RNF220: variants seen among roughly 807,000 people sequenced by gnomAD.
RNF220 encodes the protein ring finger protein 220.
In RNF220, 7 loss-of-function variants were observed where a neutral mutation model predicts 67.1. That is an observed-to-expected ratio of 0.10 (90% CI 0.06 to 0.20). The LOEUF is 0.20. Among genes scored for constraint, RNF220 ranks in the 10% least tolerant of loss-of-function variants. The probability of loss-of-function intolerance (pLI) is 1.00; values close to 1 mark genes in which losing one functional copy is unlikely to be tolerated. For missense variants in RNF220, 565 were observed against 740.3 expected (o/e 0.76, Z 2.75); for synonymous variants, 270 against 283.2 (o/e 0.95, Z 0.47).
At chr1:44,505,382 C>T (rs537557953) in intron 2 of RNF220, among the ~76,000 whole-genome samples, 3 of 152,232 alleles carry the variant, frequency 2.0e-5, no homozygotes, top group Admixed American at 1.3e-4. Flanking sequence ...GGCCAGCTGG[C>T]CTCTCCGCCT....
intron 2 of RNF220, among the ~76,000 whole-genome samples, chr1:44,576,436 T>G (rs914417652): frequency 6.6e-6 from 1 of 152,198 alleles, no homozygotes; most frequent in Non-Finnish European, 1.5e-5. Context: ...GATCTTACAC[T>G]GTTTTCATTC....
intron 2 of RNF220, among the ~76,000 whole-genome samples, chr1:44,544,668 C>G (rs1014819765): frequency 3.9e-5 from 6 of 152,234 alleles, no homozygotes; most frequent in Non-Finnish European, 8.8e-5. Flanking sequence ...CTTTCAATCT[C>G]CAAAGGCTGG....
chr1:44,522,480 T>C (rs565103006), intron 2 of RNF220, among the ~76,000 whole-genome samples: 2 of 152,240 alleles, frequency 1.3e-5, no homozygotes, highest in East Asian at 1.9e-4. Context: ...TTGAAGGGGG[T>C]AAAAGTCGAA....
intron 2 of RNF220, among the ~76,000 whole-genome samples, chr1:44,595,867 C>T (rs1666444945): frequency 6.6e-6 from 1 of 151,996 alleles, no homozygotes; most frequent in Admixed American, 6.6e-5. Flanking sequence ...GGGTTCACGC[C>T]ATCCTCCCAC....
At chr1:44,559,214 C>G (rs1279440379) in intron 2 of RNF220, among the ~76,000 whole-genome samples, 1 of 152,212 alleles carries the variant, frequency 6.6e-6, no homozygotes, top group Non-Finnish European at 1.5e-5. Flanking sequence ...CTCCAACATC[C>G]CCCAGCCCCA....
At chr1:44,434,156 T>C (rs1650702378) in intron 2 of RNF220, among the ~76,000 whole-genome samples, 1 of 151,982 alleles carries the variant, frequency 6.6e-6, no homozygotes, top group Non-Finnish European at 1.5e-5. Context: ...GATGTTTGAA[T>C]TGAAATATGA....
At chr1:44,474,572 G>A (rs1655124212) in intron 2 of RNF220, among the ~76,000 whole-genome samples, 1 of 150,296 alleles carries the variant, frequency 6.7e-6, no homozygotes, top group Non-Finnish European at 1.5e-5. Flanking sequence ...AGCTGTGTGT[G>A]GTGGCATGCA....
At chr1:44,453,027 C>T (rs895358816) in intron 2 of RNF220, among the ~76,000 whole-genome samples, 7 of 152,108 alleles carry the variant, frequency 4.6e-5, no homozygotes, top group Admixed American at 4.6e-4. Flanking sequence ...ACAATTTCTT[C>T]ATATAAATCT....
intron 2 of RNF220, among the ~76,000 whole-genome samples, chr1:44,557,975 G>A (rs1663254250): frequency 6.6e-6 from 1 of 152,212 alleles, no homozygotes; most frequent in Non-Finnish European, 1.5e-5. Flanking sequence ...AGCCCTGCGG[G>A]TAGGACTGTT....
chr1:44,449,813 G>T (rs1652484755), intron 2 of RNF220, among the ~76,000 whole-genome samples: 1 of 152,218 alleles, frequency 6.6e-6, no homozygotes, highest in Non-Finnish European at 1.5e-5. Flanking sequence ...TGAAGTCACA[G>T]AGATGAATAC....
In RNF220 at chr1:44,586,808, C is replaced by T. The variant is rs112818144; in HGVS notation, c.626-27357C>T. 2.7e-3 allele frequency among the ~76,000 whole-genome samples: 409 copies of T among 152,144 alleles called. 1 individual carries two copies. Among genetic ancestry groups the T allele is most frequent in the African/African-American group, 9.4e-3 (392 of 41,502 alleles). On this transcript the variant is annotated intron_variant, in intron 2 of 14. Transcript: ENST00000361799. The stretch of plus-strand genomic sequence containing the variant: ...GATGGAGAGAAGTGGCTCTAAGGGA[C>T]AGTAGGCACTGGTTTTGGAGAAAAG...
chr1:44,577,239 C>G (rs1475902327), intron 2 of RNF220, among the ~76,000 whole-genome samples: 1 of 152,202 alleles, frequency 6.6e-6, no homozygotes, highest in Non-Finnish European at 1.5e-5. Flanking sequence ...TCGGCCACTG[C>G]CCAAGTACAA....
intron 2 of RNF220, among the ~76,000 whole-genome samples, chr1:44,527,386 A>AAGGG (rs951474617): frequency 9.2e-5 from 14 of 151,644 alleles, no homozygotes; most frequent in South Asian, 2.1e-4. Flanking sequence ...GGAAGGAAGG[A>AAGGG]AGGGAGGGAG....
At chr1:44,492,626 C>T (rs139129347) in intron 2 of RNF220, among the ~76,000 whole-genome samples, 2 of 152,278 alleles carry the variant, frequency 1.3e-5, no homozygotes, top group East Asian at 1.9e-4. Flanking sequence ...CATGGAAGAA[C>T]GTTGAATACA....
intron 2 of RNF220, among the ~76,000 whole-genome samples, chr1:44,604,450 T>C (rs1350582407): frequency 6.6e-6 from 1 of 152,226 alleles, no homozygotes; most frequent in Non-Finnish European, 1.5e-5. Flanking sequence ...TGTAGTTATG[T>C]TTGAAATAGC....
At position 44,521,991 on chromosome 1, in the gene RNF220, C is replaced by G. The variant is rs149750356; in HGVS notation, c.626-92174C>G. Among the ~76,000 whole-genome samples the G allele has an allele frequency of 8.4e-3, 1,284 of 152,314 alleles. 5 individuals carry two copies. The highest frequency in any genetic ancestry group is 0.013 in the Non-Finnish European group (867 of 68,032). On this transcript the variant is annotated intron_variant, in intron 2 of 14. Transcript: ENST00000361799. ...GGGGAGACTGAGTGTCTCAGAAAATCTGAGTGTTTGGTCAACTGCCAGCTA... is the reference window on the plus strand; with the variant it reads ...GGGGAGACTGAGTGTCTCAGAAAATGTGAGTGTTTGGTCAACTGCCAGCTA...
chr1:44,435,668 G>A (rs1650892370), intron 2 of RNF220, among the ~76,000 whole-genome samples: 1 of 152,150 alleles, frequency 6.6e-6, no homozygotes, highest in Non-Finnish European at 1.5e-5. Context: ...GGTGGCTCAC[G>A]CCTGTAATCC....
intron 2 of RNF220, among the ~76,000 whole-genome samples, chr1:44,471,748 C>T (rs59533919): frequency 0.11 from 16,028 of 151,692 alleles, 2,025 homozygotes; most frequent in African/African-American, 0.3. Context: ...CACTTGAGCC[C>T]GGGAGGCAGA....
intron 2 of RNF220, among the ~76,000 whole-genome samples, chr1:44,526,394 G>A (rs1660375963): frequency 6.6e-6 from 1 of 152,126 alleles, no homozygotes. Context: ...AGAGAATAAA[G>A]GCCAAACAGC....
Sources: allele counts gnomAD v4.1 joint callset (sites outside exome capture counted in the v4.1 genomes callset), GRCh38; gene constraint gnomAD v4.1.1; transcripts MANE v1.5; gene names NCBI Gene and HGNC (gene_info 2026-07-23, HGNC 2026-07-21).